The following PPP1R12B variants were observed in gnomAD, a reference collection of about 807,000 sequenced individuals.
PPP1R12B encodes myosin phosphatase target subunit 2.
Under a neutral mutation model 126.1 loss-of-function variants are expected in PPP1R12B, and 76 were observed. The observed-to-expected ratio is 0.60, with a 90% CI of 0.50 to 0.73. The LOEUF (loss-of-function observed/expected upper bound fraction) is 0.73, where lower values mean the gene tolerates loss of function less well. Among genes scored for constraint, PPP1R12B ranks in the 30% least tolerant of loss-of-function variants. PPP1R12B has a pLI of 0.00. For missense variants in PPP1R12B, 1,052 were observed against 1,205.1 expected, an observed-to-expected ratio of 0.87 and a Z score of 1.88; for synonymous variants, 356 against 434.7, an observed-to-expected ratio of 0.82 and a Z score of 2.25.
chr1:202,569,528 G>T (rs1688391615), intron 23 of PPP1R12B, among the ~76,000 whole-genome samples: 1 of 152,170 alleles, frequency 6.6e-6, no homozygotes, highest in Non-Finnish European at 1.5e-5. Context: ...TAAATGAGAA[G>T]GCTAGAACAA....
At chr1:202,391,088 C>T (rs1211365011) in intron 1 of PPP1R12B, among the ~76,000 whole-genome samples, 6 of 151,968 alleles carry the variant, frequency 3.9e-5, no homozygotes, top group Admixed American at 2.0e-4. Flanking sequence ...GATAAGACAA[C>T]CCACAGAGTG....
rs74860606 is a variant in PPP1R12B at position 202,377,832 on chromosome 1, G to GTTTTTTT, written c.291+28711_291+28717dup. On this transcript the variant is annotated intron_variant, in intron 1 of 23. Coordinates refer to ENST00000608999, the MANE Select transcript of PPP1R12B (RefSeq NM_002481.4). ...GGAGAAAGAAAGGTCAAAGACAGGT[G>GTTTTTTT]TTTTTTTTTTTTTTTTTTTTTTTTT... Among the ~76,000 whole-genome samples, 104 of 97,258 alleles carry GTTTTTTT rather than the reference G, an allele frequency of 1.1e-3. 22 individuals carry two copies. Among genetic ancestry groups the GTTTTTTT allele is most frequent in the African/African-American group, 4.8e-3 (97 of 20,130 alleles). The allele number at this position is 97,258 out of a possible 152,430, so 63.8% of individuals were successfully genotyped here.
chr1:202,376,723 A>G (rs1661231939), intron 1 of PPP1R12B, among the ~76,000 whole-genome samples: 1 of 152,136 alleles, frequency 6.6e-6, no homozygotes, highest in African/African-American at 2.4e-5. Flanking sequence ...GAATATGGGA[A>G]GGATTATTAA....
chr1:202,526,135 G>A (rs943730140), intron 18 of PPP1R12B, among the ~76,000 whole-genome samples: 9 of 152,228 alleles, frequency 5.9e-5, no homozygotes, highest in Non-Finnish European at 1.2e-4. Flanking sequence ...TAGGGTACAA[G>A]TTGAAGGATT....
At chr1:202,425,857 G>T in intron 4 of PPP1R12B, 132 bp downstream of exon 4, 1 of 821,002 alleles carries the variant, frequency 1.2e-6, no homozygotes, top group Non-Finnish European at 1.9e-6. Context: ...TGATTGTGCA[G>T]TCTTTTCTCA....
chr1:202,373,140 T>G (rs1018422546), intron 1 of PPP1R12B, among the ~76,000 whole-genome samples: 8 of 152,106 alleles, frequency 5.3e-5, no homozygotes, highest in African/African-American at 1.9e-4. Flanking sequence ...TTCACCATGT[T>G]GGCCAGGCTG....
chr1:202,452,034 C>T lies in PPP1R12B; in HGVS notation c.1850+2863C>T, dbSNP rs994263447. ...GCTCCTCACCTACCAGATGGGGTCG[C>T]GGCCGGGCAGAGGCGCTCCTCACAT... On this transcript the variant is annotated intron_variant, in intron 13 of 23. Transcript: ENST00000608999. Among the ~76,000 whole-genome samples the T allele has an allele frequency of 1.1e-4, 17 of 150,414 alleles. No individual in the cohort carries two copies. The South Asian group carries it at 1.5e-3, about 13-fold the overall frequency.
At chr1:202,567,734 T>C in intron 21 of PPP1R12B, 44 bp from the exon 22 acceptor site, 3 of 1,602,958 alleles carry the variant, frequency 1.9e-6, no homozygotes, top group Non-Finnish European at 1.7e-6. Flanking sequence ...CTACTGGCCC[T>C]TAGACAACTT....
intron 15 of PPP1R12B, among the ~76,000 whole-genome samples, 197 bp from the exon 16 acceptor site, chr1:202,495,096 G>A (rs1383324927): frequency 2.1e-5 from 3 of 142,560 alleles, no homozygotes; most frequent in Admixed American, 2.1e-4. Flanking sequence ...TCTAGCAGCT[G>A]TGTTTTTTTT....
intron 1 of PPP1R12B, among the ~76,000 whole-genome samples, chr1:202,373,372 G>A (rs1226583843): frequency 1.3e-5 from 2 of 152,034 alleles, no homozygotes; most frequent in Admixed American, 1.3e-4. Flanking sequence ...TTTTAGTGTT[G>A]TATCTAAGAA....
At chr1:202,489,898 G>A (rs911682217) in intron 14 of PPP1R12B, among the ~76,000 whole-genome samples, 21 of 152,192 alleles carry the variant, frequency 1.4e-4, no homozygotes, top group African/African-American at 5.1e-4. Context: ...CATTGAAGCA[G>A]TTTAAGGGAA....
At chr1:202,387,721 G>A (rs769259930) in intron 1 of PPP1R12B, among the ~76,000 whole-genome samples, 6 of 152,072 alleles carry the variant, frequency 3.9e-5, no homozygotes, top group Non-Finnish European at 5.9e-5. Context: ...CTTCAGATTT[G>A]ACTGTTGTGA....
intron 1 of PPP1R12B, among the ~76,000 whole-genome samples, chr1:202,378,695 G>A (rs1351590573): frequency 6.6e-6 from 1 of 151,944 alleles, no homozygotes; most frequent in South Asian, 2.1e-4. Flanking sequence ...GGCCAGGCTG[G>A]TCTCCAACTC....
intron 23 of PPP1R12B, among the ~76,000 whole-genome samples, chr1:202,572,545 C>T (rs1300772131): frequency 6.6e-6 from 1 of 152,192 alleles, no homozygotes. Context: ...AGAAACTCCA[C>T]CCAGATCCTA....
intron 20 of PPP1R12B, 118 bp from the exon 21 acceptor site, chr1:202,564,325 A>G: frequency 1.5e-6 from 1 of 650,080 alleles, no homozygotes; most frequent in African/African-American, 1.8e-5. Context: ...CCCTTCCTTC[A>G]TTTTCTCTCT....
chr1:202,465,449 C>T (rs1487643882), intron 13 of PPP1R12B, among the ~76,000 whole-genome samples: 1 of 152,180 alleles, frequency 6.6e-6, no homozygotes, highest in African/African-American at 2.4e-5. Context: ...TGAAAACTTG[C>T]TAGCCTCTCT....
At chr1:202,552,477 A>G (rs1280193683) in intron 18 of PPP1R12B, among the ~76,000 whole-genome samples, 1 of 152,220 alleles carries the variant, frequency 6.6e-6, no homozygotes, top group Non-Finnish European at 1.5e-5. Context: ...CTATTTTGCA[A>G]TTAACTCAGA....
chr1:202,509,697 G>A (rs557908426), intron 18 of PPP1R12B, among the ~76,000 whole-genome samples: 5 of 152,186 alleles, frequency 3.3e-5, no homozygotes, highest in Non-Finnish European at 5.9e-5. Flanking sequence ...TTAATTAGGA[G>A]TAGATTATGG....
chr1:202,374,141 C>A (rs909633134), intron 1 of PPP1R12B, among the ~76,000 whole-genome samples: 15 of 152,062 alleles, frequency 9.9e-5, no homozygotes, highest in African/African-American at 3.6e-4. Context: ...ACTATATATC[C>A]AACTGGATTC....
Sources: gnomAD v4.1 joint callset for allele counts (sites outside exome capture counted in the v4.1 genomes callset) on GRCh38, gnomAD v4.1.1 for gene constraint, MANE v1.5 for transcripts, NCBI Gene and HGNC (gene_info 2026-07-23, HGNC 2026-07-21) for gene names.